MIPOL1: variants seen among roughly 807,000 people sequenced by gnomAD.
MIPOL1 encodes mirror-image polydactyly 1.
A neutral mutation model predicts 60.9 loss-of-function variants in MIPOL1; 57 were observed. That is an observed-to-expected ratio of 0.94 (90% confidence interval 0.76 to 1.17). The LOEUF (loss-of-function observed/expected upper bound fraction) is 1.17, where lower values mean the gene tolerates loss of function less well. Ranked by LOEUF, MIPOL1 falls within the 50% of genes most tolerant of loss-of-function variation. The probability of loss-of-function intolerance (pLI) is 0.00; values close to 1 mark genes in which losing one functional copy is unlikely to be tolerated. For missense variants in MIPOL1, 551 were observed against 511.6 expected, an observed-to-expected ratio of 1.08 and a Z score of -0.74; for synonymous variants, 179 against 168.8, an observed-to-expected ratio of 1.06 and a Z score of -0.47.
At chr14:37,254,643 A>G (rs1203203574) in intron 3 of MIPOL1, among the ~76,000 whole-genome samples, 3 of 151,720 alleles carry the variant, frequency 2.0e-5, no homozygotes, top group Admixed American at 1.3e-4. Flanking sequence ...AGTAGGGGGA[A>G]AATTCGTGAG....
chr14:37,510,612 C>T, intron 12 of MIPOL1, among the ~76,000 whole-genome samples: 1 of 152,114 alleles, frequency 6.6e-6, no homozygotes, highest in East Asian at 1.9e-4. Context: ...TGACTGTGTT[C>T]TATTCATCTT....
chr14:37,519,046 T>A (rs1488739053), intron 12 of MIPOL1, among the ~76,000 whole-genome samples: 2 of 152,120 alleles, frequency 1.3e-5, no homozygotes. Context: ...AGTTAATAAA[T>A]GTAGAGAGAA....
chr14:37,478,619 G>C (rs1181331552), intron 11 of MIPOL1, among the ~76,000 whole-genome samples: 5 of 151,806 alleles, frequency 3.3e-5, no homozygotes, highest in African/African-American at 1.2e-4. Flanking sequence ...AGGACATAGA[G>C]TGGCTGAATG....
chr14:37,299,199 A>G (rs1330285753), intron 7 of MIPOL1, among the ~76,000 whole-genome samples: 1 of 152,032 alleles, frequency 6.6e-6, no homozygotes, highest in Non-Finnish European at 1.5e-5. Context: ...TTGCAAGGAC[A>G]AAAAACCAAA....
intron 11 of MIPOL1, among the ~76,000 whole-genome samples, chr14:37,449,731 G>A (rs2094389957): frequency 6.6e-6 from 1 of 151,960 alleles, no homozygotes; most frequent in Non-Finnish European, 1.5e-5. Context: ...TTTCTTACTT[G>A]AGCCATGACT....
intron 10 of MIPOL1, among the ~76,000 whole-genome samples, chr14:37,414,614 A>G (rs550373054): frequency 1.3e-5 from 2 of 152,266 alleles, no homozygotes; most frequent in South Asian, 4.1e-4. Flanking sequence ...ATAATCATTT[A>G]CCTTTTACTG....
chr14:37,454,137 TG>T (rs1352864406), intron 11 of MIPOL1, among the ~76,000 whole-genome samples: 1 of 152,206 alleles, frequency 6.6e-6, no homozygotes, highest in Non-Finnish European at 1.5e-5. Context: ...TTTGCCCCAG[TG>T]TCAATATCTG....
chr14:37,319,786 C>A (rs2088356346), intron 9 of MIPOL1, among the ~76,000 whole-genome samples: 1 of 152,112 alleles, frequency 6.6e-6, no homozygotes, highest in Non-Finnish European at 1.5e-5. Context: ...CTCCAGGAGG[C>A]TCTTTCTTGT....
chr14:37,476,711 T>C (rs1449658652), intron 11 of MIPOL1, among the ~76,000 whole-genome samples: 5 of 152,086 alleles, frequency 3.3e-5, no homozygotes, highest in Non-Finnish European at 7.4e-5. Context: ...CTTTAGACTA[T>C]TTTGTGATGG....
At chr14:37,490,481 A>G (rs573827608) in intron 11 of MIPOL1, among the ~76,000 whole-genome samples, 8 of 152,012 alleles carry the variant, frequency 5.3e-5, no homozygotes, top group African/African-American at 1.7e-4. Flanking sequence ...CTGACATTCC[A>G]GGTGCCACCG....
intron 10 of MIPOL1, among the ~76,000 whole-genome samples, chr14:37,409,647 G>A (rs1421234963): frequency 2.0e-5 from 3 of 152,116 alleles, no homozygotes; most frequent in African/African-American, 7.2e-5. Context: ...TTAGCTGGGT[G>A]TGGTGGCACA....
intron 11 of MIPOL1, among the ~76,000 whole-genome samples, chr14:37,463,595 T>C (rs1056319751): frequency 6.6e-6 from 1 of 152,152 alleles, no homozygotes; most frequent in Non-Finnish European, 1.5e-5. Flanking sequence ...TCTCACCATA[T>C]ACAGGAATTA....
At chr14:37,282,105 T>C (rs1022247403) in intron 6 of MIPOL1, among the ~76,000 whole-genome samples, 2 of 152,036 alleles carry the variant, frequency 1.3e-5, no homozygotes, top group Non-Finnish European at 2.9e-5. Flanking sequence ...AAAGAAGCCC[T>C]CTGTATATAA....
At chr14:37,522,677 CA>C (rs900685442) in intron 12 of MIPOL1, among the ~76,000 whole-genome samples, 5 of 151,802 alleles carry the variant, frequency 3.3e-5, no homozygotes, top group African/African-American at 7.3e-5. Context: ...CACATGAATC[CA>C]AAAAAAGTAT....
chr14:37,269,643 T>C (rs954914254), intron 5 of MIPOL1, among the ~76,000 whole-genome samples: 2 of 152,110 alleles, frequency 1.3e-5, no homozygotes, highest in Non-Finnish European at 2.9e-5. Context: ...TATGATGGGG[T>C]AGTATTCTCA....
chr14:37,267,504 G>A (rs2153385566), intron 4 of MIPOL1, among the ~76,000 whole-genome samples: 1 of 151,788 alleles, frequency 6.6e-6, no homozygotes, highest in Non-Finnish European at 1.5e-5. Context: ...AAAAAAAAGA[G>A]AAAGTTAGAA....
Position 37,241,665 on chromosome 14 carries a change from T to C in MIPOL1, c.-198-5438T>C, listed in dbSNP as rs556852215. Among the ~76,000 whole-genome samples, 83 of 152,230 alleles carry C rather than the reference T, an allele frequency of 5.5e-4. 1 individual carries two copies. The South Asian group carries it at 9.1e-3, about 17-fold the overall frequency. On this transcript the variant is annotated intron_variant, in intron 1 of 12. Coordinates refer to ENST00000684589, the MANE Select transcript of MIPOL1 (RefSeq NM_001388067.1). ...TAATTAGTCTTTTTTCATGGTAATT[T>C]TTTGAACACTGAAGCATAAAGGGGA...
intron 12 of MIPOL1, among the ~76,000 whole-genome samples, chr14:37,520,511 A>G (rs1476262525): frequency 6.6e-6 from 1 of 152,240 alleles, no homozygotes; most frequent in East Asian, 1.9e-4. Flanking sequence ...AAAATCAGTG[A>G]CTCACTTCCT....
In MIPOL1 at chr14:37,550,480, T is replaced by A. The variant is rs192486398; in HGVS notation, c.*3509T>A. The A allele has an allele frequency of 2.0e-5, 3 of 148,644 alleles. No individual in the cohort carries two copies. The highest frequency in any genetic ancestry group is 6.7e-5 in the Admixed American group (1 of 15,028). 9.2% of individuals were successfully genotyped at this position (148,644 alleles called of 1,614,324 possible). ...GTAACTAGTATTTACAGCTAACCTATCTATTCATATTTTACATATATATAT... is the reference window on the plus strand; with the variant it reads ...GTAACTAGTATTTACAGCTAACCTAACTATTCATATTTTACATATATATAT... On this transcript the variant is annotated 3_prime_UTR_variant, in exon 13 of 13. Coordinates refer to ENST00000684589, the MANE Select transcript of MIPOL1 (RefSeq NM_001388067.1).
Sources: allele counts gnomAD v4.1 joint callset (sites outside exome capture counted in the v4.1 genomes callset), GRCh38; gene constraint gnomAD v4.1.1; transcripts MANE v1.5; gene names NCBI Gene and HGNC (gene_info 2026-07-23, HGNC 2026-07-21).